Variants in PRKG1 observed in about 807,000 individuals in gnomAD.
The protein encoded by PRKG1 is protein kinase cGMP-dependent 1.
PRKG1 carries 35 observed loss-of-function variants against 88.1 expected under a neutral mutation model. The ratio of observed to expected loss-of-function variants is 0.40; its 90% confidence interval spans 0.30 to 0.53. PRKG1 has a LOEUF of 0.53. Ranked by LOEUF, PRKG1 falls within the 20% of genes least tolerant of loss-of-function variation. The pLI, the probability that PRKG1 is intolerant of heterozygous loss-of-function variation, is 0.59. For synonymous variants in PRKG1, 303 were observed against 292.5 expected (o/e 1.04, Z -0.37); for missense variants, 540 against 839.8 (o/e 0.64, Z 4.41).
At chr10:52,265,392 C>A (rs1431838412) in intron 10 of PRKG1, among the ~76,000 whole-genome samples, 1 of 152,052 alleles carries the variant, frequency 6.6e-6, no homozygotes, top group Non-Finnish European at 1.5e-5. Context: ...TTTAAGAAAT[C>A]ATTTCAATTA....
intron 3 of PRKG1, among the ~76,000 whole-genome samples, chr10:51,595,966 G>T (rs1838436829): frequency 6.6e-6 from 1 of 152,102 alleles, no homozygotes; most frequent in East Asian, 1.9e-4. Flanking sequence ...GTGTAGCTGG[G>T]CTTACAGGCG....
chr10:51,762,991 C>A (rs1838060352), intron 3 of PRKG1, among the ~76,000 whole-genome samples: 1 of 152,172 alleles, frequency 6.6e-6, no homozygotes, highest in Non-Finnish European at 1.5e-5. Flanking sequence ...CAATGACTAG[C>A]TATTTTACTT....
intron 2 of PRKG1, among the ~76,000 whole-genome samples, chr10:51,273,070 T>C (rs566692402): frequency 6.6e-6 from 1 of 152,276 alleles, no homozygotes; most frequent in Admixed American, 6.5e-5. Context: ...TTTTTTGTTG[T>C]ATCAAAAAAG....
chr10:51,599,171 G>T (rs1264757213), intron 3 of PRKG1, among the ~76,000 whole-genome samples: 1 of 152,132 alleles, frequency 6.6e-6, no homozygotes, highest in South Asian at 2.1e-4. Flanking sequence ...TCAACCAGGG[G>T]ATGATTTGGA....
At chr10:51,214,782 G>A (rs567156874) in intron 2 of PRKG1, among the ~76,000 whole-genome samples, 83 of 152,144 alleles carry the variant, frequency 5.5e-4, no homozygotes, top group African/African-American at 1.9e-3. Flanking sequence ...CAGGCCCGGA[G>A]AACAGCTGTC....
intron 3 of PRKG1, among the ~76,000 whole-genome samples, chr10:51,665,683 T>G (rs1168972411): frequency 8.5e-5 from 13 of 152,112 alleles, no homozygotes; most frequent in Admixed American, 8.5e-4. Context: ...TTTTTATTTT[T>G]TTTTTGTCTT....
intron 9 of PRKG1, among the ~76,000 whole-genome samples, chr10:52,195,978 A>G (rs762261887): frequency 2.6e-5 from 4 of 152,090 alleles, no homozygotes; most frequent in Non-Finnish European, 5.9e-5. Context: ...GATGTGTGTA[A>G]TGGTTGATTA....
intron 7 of PRKG1, among the ~76,000 whole-genome samples, chr10:52,120,598 C>T (rs11592264): frequency 0.17 from 25,594 of 152,158 alleles, 2,586 homozygotes; most frequent in South Asian, 0.28. Context: ...GGTAACTGAT[C>T]CCAAGTAAGC....
intron 2 of PRKG1, among the ~76,000 whole-genome samples, chr10:51,410,906 A>G (rs1838066729): frequency 2.6e-5 from 4 of 151,962 alleles, no homozygotes; most frequent in Non-Finnish European, 5.9e-5. Context: ...ATGGCTACAC[A>G]TTTATTTTTA....
intron 3 of PRKG1, among the ~76,000 whole-genome samples, chr10:51,740,730 A>G (rs1487157460): frequency 1.3e-5 from 2 of 152,162 alleles, no homozygotes; most frequent in African/African-American, 4.8e-5. Context: ...TCCCTGGACC[A>G]CACTTTGAGA....
intron 9 of PRKG1, among the ~76,000 whole-genome samples, chr10:52,204,056 C>G (rs1463672583): frequency 6.7e-6 from 1 of 148,384 alleles, no homozygotes; most frequent in Non-Finnish European, 1.5e-5. Flanking sequence ...TTGATCCTGT[C>G]ACCATGTTGT....
intron 8 of PRKG1, among the ~76,000 whole-genome samples, chr10:52,147,909 G>A (rs559473090): frequency 1.6e-4 from 24 of 152,286 alleles, no homozygotes; most frequent in African/African-American, 4.8e-4. Context: ...TGAGCTTGAG[G>A]TACAGGTGAG....
chr10:51,413,024 T>C (rs543636057), intron 2 of PRKG1, among the ~76,000 whole-genome samples: 5 of 152,176 alleles, frequency 3.3e-5, no homozygotes, highest in Non-Finnish European at 7.3e-5. Context: ...GATTAAAAAC[T>C]TGGAAAAGAC....
intron 2 of PRKG1, among the ~76,000 whole-genome samples, chr10:51,231,821 C>T (rs1838854082): frequency 6.6e-6 from 1 of 151,810 alleles, no homozygotes. Flanking sequence ...ACATTGCAAT[C>T]TAAATATATT....
chr10:51,283,431 G>A (rs1309395436), intron 2 of PRKG1, among the ~76,000 whole-genome samples: 2 of 152,080 alleles, frequency 1.3e-5, no homozygotes, highest in Admixed American at 6.5e-5. Flanking sequence ...TACTTTAGCT[G>A]AGCAGGCATA....
rs918622780 is a variant in PRKG1, at chr10:51,334,999, CTTTTTTTT to C, written c.479-132707_479-132700del. ...CAAAAAGGTTTTTCCTGTCAGGTTT[CTTTTTTTT>C]TTTTTTTTTTTTTTTTGAGACGGAG... On this transcript the variant is annotated intron_variant, in intron 2 of 17. Transcript: ENST00000373980. Among the ~76,000 whole-genome samples the C allele has an allele frequency of 8.1e-4, 64 of 78,748 alleles. 1 individual carries two copies. Among genetic ancestry groups the C allele is most frequent in the South Asian group, 5.4e-4 (1 of 1,864 alleles). The allele number at this position is 78,748 out of a possible 152,430, so 51.7% of individuals were successfully genotyped here. A position where few individuals can be genotyped will look rare whatever the true frequency, so the allele number is the denominator to read the frequency against.
chr10:51,656,367 C>A (rs1414077990), intron 3 of PRKG1, among the ~76,000 whole-genome samples: 1 of 152,060 alleles, frequency 6.6e-6, no homozygotes, highest in Non-Finnish European at 1.5e-5. Context: ...CTTGGTCGTG[C>A]TCTCTGACGT....
intron 3 of PRKG1, among the ~76,000 whole-genome samples, chr10:51,741,152 A>G (rs988933873): frequency 6.6e-6 from 1 of 152,050 alleles, no homozygotes; most frequent in African/African-American, 2.4e-5. Flanking sequence ...GGTGAAAAAA[A>G]AAAGACATTG....
intron 3 of PRKG1, among the ~76,000 whole-genome samples, chr10:51,793,897 G>C (rs1485235154): frequency 2.0e-5 from 3 of 152,060 alleles, no homozygotes; most frequent in Admixed American, 6.6e-5. Context: ...AAGCAGGTGG[G>C]ATTACAGGCA....
Sources: gnomAD v4.1 joint callset for allele counts (sites outside exome capture counted in the v4.1 genomes callset) on GRCh38, gnomAD v4.1.1 for gene constraint, MANE v1.5 for transcripts, NCBI Gene and HGNC (gene_info 2026-07-23, HGNC 2026-07-21) for gene names.